DRICH1: variants seen among roughly 807,000 people sequenced by gnomAD.
DRICH1 encodes the protein aspartate rich 1, also known as aspartate-rich protein 1.
DRICH1 carries 38 observed loss-of-function variants against 39.5 expected under a neutral mutation model. The observed-to-expected ratio is 0.96, with a 90% CI of 0.74 to 1.26. DRICH1 has a LOEUF of 1.26. DRICH1 is among the 50% of genes most tolerant of loss of function. The pLI, the probability that DRICH1 is intolerant of heterozygous loss-of-function variation, is 0.00. For synonymous variants in DRICH1, 84 were observed against 99.5 expected, an observed-to-expected ratio of 0.84 and a Z score of 0.93; for missense variants, 279 against 270.4, an observed-to-expected ratio of 1.03 and a Z score of -0.22.
intron 4 of DRICH1, among the ~76,000 whole-genome samples, 161 bp from the exon 5 acceptor site, chr22:23,620,776 A>G (rs1206801411): frequency 7.0e-6 from 1 of 141,880 alleles, no homozygotes; most frequent in African/African-American, 2.6e-5. Context: ...ACACCTGTGG[A>G]AAAGACAAGA....
chr22:23,613,899 G>A (rs927367363), intron 9 of DRICH1, among the ~76,000 whole-genome samples: 2 of 152,188 alleles, frequency 1.3e-5, no homozygotes, highest in Non-Finnish European at 2.9e-5. Flanking sequence ...GTGGAAAACT[G>A]TTGTTGTGGA....
intron 1 of DRICH1, among the ~76,000 whole-genome samples, chr22:23,631,322 T>C (rs976315497): frequency 2.0e-5 from 3 of 151,652 alleles, no homozygotes; most frequent in African/African-American, 7.3e-5. Flanking sequence ...AGGCTGATGC[T>C]AGAGAATCGC....
chr22:23,582,142 C>A, the DRICH1 span, among the ~76,000 whole-genome samples: 21 of 151,062 alleles, frequency 1.4e-4, no homozygotes, highest in Admixed American at 1.3e-3. Flanking sequence ...ACCATGCCAG[C>A]TAATTTTTGT....
At position 23,626,006 on chromosome 22, in the gene DRICH1, C is replaced by A. The variant is rs552559752; in HGVS notation, c.251G>T (p.Ser84Ile). 2.5e-5 allele frequency: 41 copies of A among 1,613,428 alleles called. 1 individual carries two copies. The South Asian group carries it at 3.4e-4, about 13-fold the overall frequency. ...DRLSLKFLPS[S>I]EEDNDDAKIL... The stretch of plus-strand genomic sequence containing the variant: ...CTTGGCATCATCATTGTCTTCCTCA[C>A]TTGATGGCAGAAATTTTAAACTCAG... Residue 84 changes from serine to isoleucine, a missense_variant, in exon 2 of 12, where the codon AGT becomes ATT. By Grantham distance (142) the Ser-to-Ile change is moderately radical. Transcript: ENST00000317749.
At chr22:23,589,857 T>C in the DRICH1 span, among the ~76,000 whole-genome samples, 1 of 152,166 alleles carries the variant, frequency 6.6e-6, no homozygotes, top group East Asian at 1.9e-4. Context: ...CCTGCCTGAA[T>C]TACATGGCTG....
At chr22:23,629,698 A>G (rs1304037607) in intron 1 of DRICH1, among the ~76,000 whole-genome samples, 5 of 151,696 alleles carry the variant, frequency 3.3e-5, no homozygotes, top group African/African-American at 1.2e-4. Flanking sequence ...GCTCACTGCA[A>G]CCTCCACCTC....
chr22:23,631,106 G>A (rs1204399145), intron 1 of DRICH1: 1 of 152,080 alleles, frequency 6.6e-6, no homozygotes, highest in African/African-American at 2.4e-5. Context: ...TCCTGCACAT[G>A]TACCTCGGAA....
intron 11 of DRICH1, 105 bp from the exon 12 acceptor site, chr22:23,608,873 G>A (rs769862012): frequency 5.8e-6 from 7 of 1,216,904 alleles, no homozygotes; most frequent in South Asian, 3.9e-5. Context: ...CTGGGCTCCC[G>A]CCTCTGCAGT....
At chr22:23,590,865 C>T in the DRICH1 span, among the ~76,000 whole-genome samples, 2 of 152,170 alleles carry the variant, frequency 1.3e-5, no homozygotes, top group Admixed American at 6.5e-5. Context: ...GGGATCCGCT[C>T]ACCCTGCCTT....
the DRICH1 span, among the ~76,000 whole-genome samples, chr22:23,584,064 G>A: frequency 6.6e-6 from 1 of 152,190 alleles, no homozygotes; most frequent in Non-Finnish European, 1.5e-5. Context: ...TTTCTGTGGC[G>A]GGAAATCTGG....
the DRICH1 span, among the ~76,000 whole-genome samples, chr22:23,585,000 C>T: frequency 6.6e-6 from 1 of 152,148 alleles, no homozygotes; most frequent in Non-Finnish European, 1.5e-5. Context: ...ATGTGGTGGT[C>T]TCATCATTGT....
rs568624980 is a variant in DRICH1 at position 23,622,889 on chromosome 22, ACCAGTGAATCT to A, written c.299-724_299-714del. Among the ~76,000 whole-genome samples, 1,219 of 152,222 alleles carry A rather than the reference ACCAGTGAATCT, an allele frequency of 8.0e-3. 25 individuals are homozygous for A. The highest frequency in any genetic ancestry group is 0.077 in the East Asian group (401 of 5,178). On this transcript the variant is annotated intron_variant, in intron 3 of 11. Coordinates refer to ENST00000317749, the MANE Select transcript of DRICH1 (RefSeq NM_016449.4). ...AGCTCACACAGCCTGCTCTAACTAC[ACCAGTGAATCT>A]GAGAGACGTGACTCTGAACACTTTC...
rs1180487705 is a variant in DRICH1 at position 23,632,198 on chromosome 22, T to C, written c.-175A>G. On this transcript the variant is annotated 5_prime_UTR_variant, in exon 1 of 12. Transcript: ENST00000317749. ...GCCACCTCCCAAACTAGCTGGTCTA[T>C]GAGGTCAGGGACCTGCTGTCTTCTT... 3.8e-6 allele frequency: 4 copies of C among 1,063,822 alleles called. No individual in the cohort carries two copies. Among genetic ancestry groups the C allele is most frequent in the Admixed American group, 2.8e-5 (1 of 36,200 alleles). 65.9% of individuals were successfully genotyped at this position (1,063,822 alleles called of 1,614,324 possible).
the DRICH1 span, among the ~76,000 whole-genome samples, chr22:23,597,629 T>A: frequency 1.1e-4 from 16 of 151,738 alleles, no homozygotes. Flanking sequence ...TCTGGAGACT[T>A]GGGAAAAGGC....
chr22:23,593,804 CAAAACA>C, the DRICH1 span, among the ~76,000 whole-genome samples: 6 of 151,166 alleles, frequency 4.0e-5, no homozygotes, highest in Non-Finnish European at 4.4e-5. Context: ...CAAAACAAAA[CAAAACA>C]AAAACAAAAA....
chr22:23,611,067 C>A (rs764657141), intron 11 of DRICH1, among the ~76,000 whole-genome samples: 1 of 152,132 alleles, frequency 6.6e-6, no homozygotes, highest in Non-Finnish European at 1.5e-5. Context: ...TTCAGCAAGA[C>A]CAATTTCTGA....
chr22:23,596,825 A>G, the DRICH1 span, among the ~76,000 whole-genome samples: 1 of 152,150 alleles, frequency 6.6e-6, no homozygotes, highest in African/African-American at 2.4e-5. Flanking sequence ...CTTGGGAAGA[A>G]TCTGTATTCT....
At chr22:23,625,119 T>C (rs531177325) in intron 2 of DRICH1, among the ~76,000 whole-genome samples, 1 of 152,318 alleles carries the variant, frequency 6.6e-6, no homozygotes, top group African/African-American at 2.4e-5. Flanking sequence ...GGTTGGTAAA[T>C]GCACAATGCC....
intron 11 of DRICH1, 32 bp downstream of exon 11, chr22:23,613,257 C>T (rs754658851): frequency 2.9e-5 from 46 of 1,586,922 alleles, no homozygotes; most frequent in Non-Finnish European, 3.8e-5. Context: ...AACCTTTTCC[C>T]ATTGGGTTTT....
Sources: gnomAD v4.1 joint callset for allele counts (sites outside exome capture counted in the v4.1 genomes callset) on GRCh38, gnomAD v4.1.1 for gene constraint, MANE v1.5 for transcripts, NCBI Gene and HGNC (gene_info 2026-07-23, HGNC 2026-07-21) for gene names.